Variants in RBFOX1 observed in about 807,000 individuals in gnomAD.
The protein encoded by RBFOX1 is RNA binding protein fox-1 homolog 1.
In RBFOX1, 8 loss-of-function variants were observed where a neutral mutation model predicts 57.7. The observed-to-expected ratio is 0.14, with a 90% CI of 0.08 to 0.25. The LOEUF is 0.25. Ranked by LOEUF, RBFOX1 falls within the 10% of genes least tolerant of loss-of-function variation. RBFOX1 has a pLI of 1.00. For missense variants in RBFOX1, 611 were observed against 548.5 expected (o/e 1.11, Z -1.14); for synonymous variants, 326 against 222.4 (o/e 1.47, Z -4.15).
intron 1 of RBFOX1, among the ~76,000 whole-genome samples, chr16:6,226,109 C>G (rs942080477): frequency 1.4e-4 from 21 of 151,142 alleles, no homozygotes; most frequent in African/African-American, 4.9e-4. Context: ...CCTGTAATCC[C>G]AGCACTTTGG....
chr16:5,472,782 C>T (rs2069182243), intron 2 of RBFOX1, among the ~76,000 whole-genome samples: 2 of 152,120 alleles, frequency 1.3e-5, no homozygotes, highest in Admixed American at 6.5e-5. Flanking sequence ...TAATTACCAG[C>T]GTAATTAGAG....
chr16:5,552,249 A>G (rs963664587), intron 2 of RBFOX1, among the ~76,000 whole-genome samples: 2 of 152,158 alleles, frequency 1.3e-5, no homozygotes, highest in Admixed American at 6.5e-5. Context: ...CCCTGGGTTA[A>G]GAGTGGTTTA....
chr16:7,551,260 C>T (rs1259401791), intron 5 of RBFOX1, among the ~76,000 whole-genome samples: 1 of 152,052 alleles, frequency 6.6e-6, no homozygotes, highest in African/African-American at 2.4e-5. Context: ...ACTTGTCCCC[C>T]AGAAACAACT....
At chr16:6,648,714 C>G (rs1158520135) in intron 2 of RBFOX1, among the ~76,000 whole-genome samples, 2 of 152,152 alleles carry the variant, frequency 1.3e-5, no homozygotes, top group African/African-American at 4.8e-5. Context: ...AAAGGAAATG[C>G]ATCACCTGGT....
At chr16:7,612,306 G>A (rs2057649777) in intron 10 of RBFOX1, among the ~76,000 whole-genome samples, 2 of 132,536 alleles carry the variant, frequency 1.5e-5, no homozygotes, top group South Asian at 2.6e-4. Context: ...GGGTAACAGA[G>A]CGAGACTCCA....
At chr16:7,104,237 C>G (rs189725238) in intron 4 of RBFOX1, among the ~76,000 whole-genome samples, 44 of 152,186 alleles carry the variant, frequency 2.9e-4, no homozygotes, top group African/African-American at 9.2e-4. Context: ...CAGTATTAAC[C>G]TCTAAATTGT....
intron 3 of RBFOX1, among the ~76,000 whole-genome samples, chr16:6,791,638 A>G (rs976395340): frequency 6.6e-6 from 1 of 152,178 alleles, no homozygotes; most frequent in African/African-American, 2.4e-5. Flanking sequence ...GCGTGCTTGT[A>G]GTCCCAGCTA....
chr16:6,880,324 C>T (rs2062679782), intron 3 of RBFOX1, among the ~76,000 whole-genome samples: 1 of 152,138 alleles, frequency 6.6e-6, no homozygotes, highest in Non-Finnish European at 1.5e-5. Context: ...GAGAGACAGC[C>T]TCTGTTGTTC....
intron 2 of RBFOX1, chr16:6,483,913 C>T (rs951893873): frequency 1.8e-6 from 2 of 1,097,078 alleles, no homozygotes; most frequent in South Asian, 2.8e-5. Context: ...GAATGGGACG[C>T]GGTATGTAAG....
chr16:7,630,484 G>T (rs1399918303), intron 10 of RBFOX1, 119 bp from the exon 11 acceptor site: 4 of 1,533,530 alleles, frequency 2.6e-6, no homozygotes, highest in Non-Finnish European at 3.5e-6. Context: ...CCCTTGTCCT[G>T]CGCTCTGGGA....
At chr16:6,053,205 C>G (rs117988934) in intron 1 of RBFOX1, among the ~76,000 whole-genome samples, 1,733 of 152,254 alleles carry the variant, frequency 0.011, 13 homozygotes, top group Non-Finnish European at 0.02. Flanking sequence ...CCGAGGGCTC[C>G]TGATGTAACT....
upstream of RBFOX1, among the ~76,000 whole-genome samples, chr16:6,018,879 C>T (rs2095018237): frequency 1.3e-5 from 2 of 151,958 alleles, no homozygotes; most frequent in Non-Finnish European, 2.9e-5. Flanking sequence ...CCAACTTTCA[C>T]CCTCTGTCCC....
At position 6,389,801 on chromosome 16, in the gene RBFOX1, C is replaced by G. The variant is rs574011952; in HGVS notation, c.-64+72744C>G. ...ACATGAGGCTGTACCCAGGAGAAAT[C>G]AAGCTATGGACTGGTAAGGCTCAGA... is the stretch of plus-strand genomic sequence containing the variant. On this transcript the variant is annotated intron_variant, in intron 2 of 15. Coordinates refer to ENST00000550418, the MANE Select transcript of RBFOX1 (RefSeq NM_018723.4). 1.9e-3 allele frequency among the ~76,000 whole-genome samples: 295 copies of G among 152,280 alleles called. 1 individual carries two copies. Among genetic ancestry groups the G allele is most frequent in the Non-Finnish European group, 3.7e-3 (249 of 68,030 alleles).
intron 4 of RBFOX1, among the ~76,000 whole-genome samples, chr16:7,513,107 C>G (rs1567603323): frequency 6.6e-6 from 1 of 151,854 alleles, no homozygotes; most frequent in African/African-American, 2.4e-5. Context: ...ACTAAAAATA[C>G]AAAAAATTAG....
chr16:6,667,760 G>A (rs769480971), intron 3 of RBFOX1, among the ~76,000 whole-genome samples: 8 of 151,976 alleles, frequency 5.3e-5, no homozygotes, highest in Non-Finnish European at 7.4e-5. Context: ...ATGATGGTGC[G>A]TGCCTGTAGT....
chr16:6,534,460 A>T (rs181220077), intron 2 of RBFOX1, among the ~76,000 whole-genome samples: 1 of 152,212 alleles, frequency 6.6e-6, no homozygotes, highest in African/African-American at 2.4e-5. Context: ...CAAAGACTTC[A>T]TATATATTTA....
intron 4 of RBFOX1, among the ~76,000 whole-genome samples, chr16:7,269,478 G>C (rs1426712131): frequency 6.6e-6 from 1 of 151,978 alleles, no homozygotes; most frequent in African/African-American, 2.4e-5. Context: ...GAGAGAGAGA[G>C]GCAGACAGAG....
intron 3 of RBFOX1, among the ~76,000 whole-genome samples, chr16:6,938,434 T>C (rs189861395): frequency 6.6e-6 from 1 of 152,290 alleles, no homozygotes; most frequent in East Asian, 1.9e-4. Context: ...ACTGTTGCTG[T>C]TGTTATTTTT....
intron 3 of RBFOX1, among the ~76,000 whole-genome samples, chr16:5,788,936 A>G (rs2054600051): frequency 1.3e-5 from 2 of 152,166 alleles, no homozygotes; most frequent in African/African-American, 4.8e-5. Flanking sequence ...AGGAAGATAG[A>G]AGCCTCTTTC....
Sources: gnomAD v4.1 joint callset for allele counts (sites outside exome capture counted in the v4.1 genomes callset) on GRCh38, gnomAD v4.1.1 for gene constraint, MANE v1.5 for transcripts, NCBI Gene and HGNC (gene_info 2026-07-23, HGNC 2026-07-21) for gene names.